Variants in LOC400499 observed in about 807,000 individuals in gnomAD.
the LOC400499 span, among the ~76,000 whole-genome samples, chr16:11,457,512 G>T: frequency 6.7e-6 from 1 of 148,800 alleles, no homozygotes; most frequent in Non-Finnish European, 1.5e-5. Flanking sequence ...AGAATGGTGT[G>T]AATTCAGGAG....
At chr16:11,451,571 C>A in the LOC400499 span, among the ~76,000 whole-genome samples, 14 of 148,084 alleles carry the variant, frequency 9.5e-5, no homozygotes, top group African/African-American at 2.9e-4. Context: ...AACAAACAAA[C>A]AAACAAACAA....
the LOC400499 span, chr16:11,431,253 A>G: frequency 1.5e-4 from 60 of 399,140 alleles, no homozygotes; most frequent in East Asian, 1.6e-3. Flanking sequence ...TAAGGGGGTT[A>G]AGATCATGGG....
chr16:11,500,992 C>A, the LOC400499 span: 1 of 399,042 alleles, frequency 2.5e-6, no homozygotes, highest in Non-Finnish European at 4.4e-6. Context: ...AGGCGACCCA[C>A]ACGTGCTGAG....
At chr16:11,415,404 A>G in the LOC400499 span, among the ~76,000 whole-genome samples, 8 of 152,150 alleles carry the variant, frequency 5.3e-5, no homozygotes, top group African/African-American at 1.9e-4. Context: ...AGCAGGGTGG[A>G]CGAGCTCCAC....
chr16:11,463,876 C>T, the LOC400499 span, among the ~76,000 whole-genome samples: 112 of 151,714 alleles, frequency 7.4e-4, no homozygotes, highest in East Asian at 5.4e-3. Flanking sequence ...TATACGGATG[C>T]GTGCATATGA....
the LOC400499 span, among the ~76,000 whole-genome samples, chr16:11,428,099 G>T: frequency 6.6e-6 from 1 of 152,174 alleles, no homozygotes; most frequent in Non-Finnish European, 1.5e-5. Flanking sequence ...CCCTGAGGGC[G>T]GCTGGTTGCC....
chr16:11,515,572 A>G, the LOC400499 span, among the ~76,000 whole-genome samples: 364 of 151,770 alleles, frequency 2.4e-3, 4 homozygotes, highest in Admixed American at 3.3e-3. Flanking sequence ...AAAGAGGAGA[A>G]GGGAGGGGAA....
At chr16:11,501,719 C>A in the LOC400499 span, among the ~76,000 whole-genome samples, 1 of 152,076 alleles carries the variant, frequency 6.6e-6, no homozygotes, top group Admixed American at 6.5e-5. Context: ...CAGCACCCCC[C>A]AGCCCAGACT....
the LOC400499 span, among the ~76,000 whole-genome samples, chr16:11,513,341 G>A: frequency 3.3e-5 from 5 of 149,628 alleles, no homozygotes; most frequent in Non-Finnish European, 7.4e-5. Flanking sequence ...GGGAGGTTGA[G>A]ACTACAGTGA....
the LOC400499 span, among the ~76,000 whole-genome samples, chr16:11,500,505 C>G: frequency 5.9e-5 from 4 of 68,332 alleles, no homozygotes; most frequent in African/African-American, 1.7e-4. Flanking sequence ...AGCAAGACTC[C>G]GTCCTAAATA....
the LOC400499 span, chr16:11,460,685 G>A: frequency 1.8e-5 from 26 of 1,456,118 alleles, no homozygotes; most frequent in Admixed American, 1.2e-4. Flanking sequence ...GAGAAGGAGG[G>A]CCCGGCCCAG....
chr16:11,461,451 G>A, the LOC400499 span, among the ~76,000 whole-genome samples: 3 of 152,166 alleles, frequency 2.0e-5, no homozygotes, highest in Admixed American at 2.0e-4. Context: ...AAACTCCTGG[G>A]CTCAAGTAAT....
the LOC400499 span, among the ~76,000 whole-genome samples, chr16:11,454,629 G>C: frequency 1.3e-5 from 2 of 152,238 alleles, no homozygotes; most frequent in African/African-American, 4.8e-5. Flanking sequence ...GAGCCTTAGA[G>C]AGAACATGGC....
chr16:11,379,038 T>G, the LOC400499 span, among the ~76,000 whole-genome samples: 1 of 152,082 alleles, frequency 6.6e-6, no homozygotes, highest in Non-Finnish European at 1.5e-5. Context: ...CCAAGATGGG[T>G]GGATCACCTG....
chr16:11,479,783 C>T, the LOC400499 span, among the ~76,000 whole-genome samples: 1 of 152,206 alleles, frequency 6.6e-6, no homozygotes, highest in Admixed American at 6.5e-5. Flanking sequence ...ATCAACTAAA[C>T]TCCAGAGGTC....
At chr16:11,373,951 G>C in the LOC400499 span, among the ~76,000 whole-genome samples, 3 of 152,122 alleles carry the variant, frequency 2.0e-5, no homozygotes, top group Non-Finnish European at 2.9e-5. Flanking sequence ...CATCTGGTAA[G>C]AGAAGTGTTG....
chr16:11,471,851 G>C, the LOC400499 span: 1 of 399,170 alleles, frequency 2.5e-6, no homozygotes, highest in East Asian at 3.6e-5. Flanking sequence ...GCACTGGTCA[G>C]TGGAGACTCA....
chr16:11,476,323 G>A, the LOC400499 span, among the ~76,000 whole-genome samples: 1 of 151,960 alleles, frequency 6.6e-6, no homozygotes, highest in South Asian at 2.1e-4. Context: ...CTCCTTAGGG[G>A]TCACAGACAA....
At chr16:11,469,684 C>A in the LOC400499 span, 3 of 398,934 alleles carry the variant, frequency 7.5e-6, no homozygotes, top group Admixed American at 1.3e-4. Context: ...ATAGCAGAGT[C>A]TTCAAGATTG....
Sources: allele counts gnomAD v4.1 joint callset (sites outside exome capture counted in the v4.1 genomes callset), GRCh38; gene constraint gnomAD v4.1.1; transcripts MANE v1.5.